TPD52L1: variants seen among roughly 807,000 people sequenced by gnomAD.
TPD52L1 encodes the protein TPD52 like 1, also known as tumor protein D53.
In TPD52L1, 18 loss-of-function variants were observed where a neutral mutation model predicts 28.7. The ratio of observed to expected loss-of-function variants is 0.63; its 90% confidence interval spans 0.43 to 0.93. The LOEUF (loss-of-function observed/expected upper bound fraction) is 0.93. Ranked by LOEUF, TPD52L1 falls within the 40% of genes least tolerant of loss-of-function variation. TPD52L1 has a pLI of 0.00. For synonymous variants in TPD52L1, 75 were observed against 88.8 expected (o/e 0.84, Z 0.88); for missense variants, 203 against 254.8 (o/e 0.80, Z 1.39).
At chr6:125,173,298 G>A (rs1011873218) in intron 1 of TPD52L1, among the ~76,000 whole-genome samples, 4 of 152,136 alleles carry the variant, frequency 2.6e-5, no homozygotes, top group Non-Finnish European at 4.4e-5. Context: ...AGAACTTTCC[G>A]CTTTGAGTCA....
chr6:125,167,222 G>A (rs1375769038), intron 1 of TPD52L1, among the ~76,000 whole-genome samples: 2 of 152,122 alleles, frequency 1.3e-5, no homozygotes, highest in Non-Finnish European at 2.9e-5. Flanking sequence ...TCCAGCCTGG[G>A]TGACAGAGCA....
intron 1 of TPD52L1, among the ~76,000 whole-genome samples, chr6:125,212,311 G>T (rs1409771179): frequency 6.6e-6 from 1 of 151,980 alleles, no homozygotes; most frequent in Non-Finnish European, 1.5e-5. Flanking sequence ...TTACACAGTT[G>T]GACTTATTTA....
At chr6:125,200,565 T>G (rs1210155924) in intron 1 of TPD52L1, among the ~76,000 whole-genome samples, 1 of 152,208 alleles carries the variant, frequency 6.6e-6, no homozygotes, top group South Asian at 2.1e-4. Flanking sequence ...CTTCTCCCTG[T>G]CCAACCTCAC....
intron 1 of TPD52L1, among the ~76,000 whole-genome samples, chr6:125,170,661 T>C (rs1205921481): frequency 6.6e-6 from 1 of 152,154 alleles, no homozygotes; most frequent in Non-Finnish European, 1.5e-5. Context: ...AATTGTCTTT[T>C]GTCTATGACC....
At chr6:125,200,442 A>T (rs1180821126) in intron 1 of TPD52L1, among the ~76,000 whole-genome samples, 1 of 152,248 alleles carries the variant, frequency 6.6e-6, no homozygotes, top group Non-Finnish European at 1.5e-5. Flanking sequence ...GTCCCTCAGT[A>T]GTCATTTATC....
At chr6:125,199,733 T>G (rs1793681068) in intron 1 of TPD52L1, among the ~76,000 whole-genome samples, 1 of 152,204 alleles carries the variant, frequency 6.6e-6, no homozygotes, top group African/African-American at 2.4e-5. Context: ...TTAGCTTGCC[T>G]GCAATATACA....
At chr6:125,205,596 C>G (rs1490096375) in intron 1 of TPD52L1, among the ~76,000 whole-genome samples, 1 of 152,162 alleles carries the variant, frequency 6.6e-6, no homozygotes, top group Non-Finnish European at 1.5e-5. Flanking sequence ...ATAATTTAGG[C>G]TTATGTATAT....
chr6:125,156,279 A>T (rs923605396), intron 1 of TPD52L1, among the ~76,000 whole-genome samples: 11 of 152,032 alleles, frequency 7.2e-5, no homozygotes, highest in Admixed American at 7.2e-4. Context: ...AGCCTGGACA[A>T]CATAGAGAGA....
At chr6:125,238,563 T>C (rs1024716134) in intron 3 of TPD52L1, among the ~76,000 whole-genome samples, 2 of 151,974 alleles carry the variant, frequency 1.3e-5, no homozygotes, top group Non-Finnish European at 2.9e-5. Flanking sequence ...TGCCTTTGCA[T>C]CCTCACGGCT....
chr6:125,259,304 A>G (rs529290689), intron 6 of TPD52L1, among the ~76,000 whole-genome samples: 7 of 152,330 alleles, frequency 4.6e-5, no homozygotes, highest in South Asian at 2.1e-4. Context: ...GTTCTGCTAT[A>G]AAGGTCCACT....
At chr6:125,223,686 G>A (rs1279502283) in intron 2 of TPD52L1, among the ~76,000 whole-genome samples, 3 of 123,300 alleles carry the variant, frequency 2.4e-5, no homozygotes, top group South Asian at 2.7e-4. Flanking sequence ...TCCAGCCTAG[G>A]CAACAGAGTG....
At chr6:125,195,273 A>G (rs2114874821) in intron 1 of TPD52L1, among the ~76,000 whole-genome samples, 1 of 152,340 alleles carries the variant, frequency 6.6e-6, no homozygotes, top group East Asian at 1.9e-4. Flanking sequence ...GTCACTGTAC[A>G]GAACAAGAAC....
chr6:125,233,485 G>A (rs1482274180), intron 3 of TPD52L1, among the ~76,000 whole-genome samples: 4 of 152,042 alleles, frequency 2.6e-5, no homozygotes, highest in Non-Finnish European at 4.4e-5. Flanking sequence ...TCTCTCACAT[G>A]GTTGTTCATT....
At position 125,231,715 on chromosome 6, in the gene TPD52L1, G is replaced by A. The variant is rs538814240; in HGVS notation, c.284+2449G>A. 2.6e-5 allele frequency among the ~76,000 whole-genome samples: 4 copies of A among 152,216 alleles called. No individual in the cohort carries two copies. In the South Asian group the frequency reaches 8.3e-4, roughly 32 times the overall value. ...AGAACAGATCAACAGTGGTTTGCAG[G>A]TGGATGATGAAGGAAATAGGACCAA... On this transcript the variant is annotated intron_variant, in intron 3 of 6. Coordinates refer to ENST00000534000, the MANE Select transcript of TPD52L1 (RefSeq NM_003287.4).
chr6:125,153,780 G>T lies in TPD52L1; in HGVS notation c.-172G>T. The T allele has an allele frequency of 1.5e-6, 1 of 646,472 alleles. No individual in the cohort carries two copies. Among genetic ancestry groups the T allele is most frequent in the Non-Finnish European group, 2.5e-6 (1 of 398,122 alleles). 40.0% of individuals were successfully genotyped at this position (646,472 alleles called of 1,614,324 possible). A position where few individuals can be genotyped will look rare whatever the true frequency, so the allele number is the denominator to read the frequency against. On this transcript the variant is annotated 5_prime_UTR_variant, in exon 1 of 7. Coordinates refer to ENST00000534000, the MANE Select transcript of TPD52L1 (RefSeq NM_003287.4). The stretch of plus-strand genomic sequence containing the variant: ...GAAGGGGCGGAGGTAACCAGAAGCG[G>T]CTAGTGGCGGCTGCCTGCGTCCCCA...
chr6:125,172,027 G>T (rs1313063459), intron 1 of TPD52L1, among the ~76,000 whole-genome samples: 3 of 151,086 alleles, frequency 2.0e-5, no homozygotes, highest in Admixed American at 2.0e-4. Flanking sequence ...TTCCCCTACT[G>T]CCTCCTTCCC....
At chr6:125,186,135 C>T (rs766550150) in intron 1 of TPD52L1, among the ~76,000 whole-genome samples, 3 of 152,044 alleles carry the variant, frequency 2.0e-5, no homozygotes, top group Non-Finnish European at 4.4e-5. Flanking sequence ...CCACCTGCCC[C>T]AGCCTCCCAA....
At chr6:125,162,976 A>T (rs1204970511) in intron 1 of TPD52L1, among the ~76,000 whole-genome samples, 1 of 152,206 alleles carries the variant, frequency 6.6e-6, no homozygotes. Flanking sequence ...GACAGGATTC[A>T]ACTCCAAGTT....
chr6:125,178,592 G>T lies in TPD52L1; in HGVS notation c.19+24622G>T, dbSNP rs1051686498. Among the ~76,000 whole-genome samples the T allele has an allele frequency of 2.6e-5, 4 of 152,066 alleles. No homozygotes were observed. In the East Asian group the frequency reaches 7.7e-4, roughly 29 times the overall value. On this transcript the variant is annotated intron_variant, in intron 1 of 6. Transcript: ENST00000534000. ...GCCAAGATCACACCACTGCACTCCC[G>T]CCTGGGCGACAGAGTGAGACTCCAT...
Sources: allele counts gnomAD v4.1 joint callset (sites outside exome capture counted in the v4.1 genomes callset), GRCh38; gene constraint gnomAD v4.1.1; transcripts MANE v1.5; gene names NCBI Gene and HGNC (gene_info 2026-07-23, HGNC 2026-07-21).